Variants in FSIP1 observed in about 807,000 individuals in gnomAD.
The protein encoded by FSIP1 is fibrous sheath-interacting protein 1.
Under a neutral mutation model 60.9 loss-of-function variants are expected in FSIP1, and 65 were observed. That is an observed-to-expected ratio of 1.07 (90% CI 0.87 to 1.31). The LOEUF is 1.31. Among genes scored for constraint, FSIP1 ranks in the 40% most tolerant of loss-of-function variants. The probability of loss-of-function intolerance (pLI) is 0.00; values close to 1 mark genes in which losing one functional copy is unlikely to be tolerated. For missense variants in FSIP1, 675 were observed against 665.5 expected (o/e 1.01, Z -0.16); for synonymous variants, 209 against 221.2 (o/e 0.94, Z 0.49).
rs2140449373 is a variant in FSIP1, at chr15:39,659,178, GTTTCT to G, written c.1189-40938_1189-40934del. Among the ~76,000 whole-genome samples, 3 of 152,238 alleles carry G rather than the reference GTTTCT, an allele frequency of 2.0e-5. No individual in the cohort carries two copies. The East Asian group carries it at 5.8e-4, about 29-fold the overall frequency. On this transcript the variant is annotated intron_variant, in intron 10 of 11. Transcript: ENST00000350221. Reference sequence around the variant, plus strand: ...GGGAGTGACTGCTAATGGATATAAGGTTTCTTTTGAGGGTAAAAAAAGTATTCCAG... The same window carrying G: ...GGGAGTGACTGCTAATGGATATAAGGTTTGAGGGTAAAAAAAGTATTCCAG...
At chr15:39,693,723 A>G (rs764236041) in intron 10 of FSIP1, among the ~76,000 whole-genome samples, 6 of 152,178 alleles carry the variant, frequency 3.9e-5, no homozygotes. Flanking sequence ...CTAACTGAGG[A>G]GTTGTAATCA....
intron 9 of FSIP1, among the ~76,000 whole-genome samples, chr15:39,714,972 C>CA (rs34491210): frequency 0.72 from 64,166 of 89,470 alleles, 23,980 homozygotes; most frequent in Middle Eastern, 0.87. Flanking sequence ...GACTCTGTCT[C>CA]AAAAAAAAAA....
intron 10 of FSIP1, among the ~76,000 whole-genome samples, chr15:39,656,460 C>G (rs1205452000): frequency 6.6e-6 from 1 of 152,172 alleles, no homozygotes; most frequent in Non-Finnish European, 1.5e-5. Context: ...TTCCAACCTC[C>G]TTCCTCTAAA....
At chr15:39,771,080 T>C (rs372018303) in intron 2 of FSIP1, among the ~76,000 whole-genome samples, 97 of 152,252 alleles carry the variant, frequency 6.4e-4, no homozygotes, top group Non-Finnish European at 1.3e-4. Context: ...TCTATGTTAT[T>C]CACAGTTTTT....
chr15:39,655,498 C>CCATTCATT (rs368238499), intron 10 of FSIP1, among the ~76,000 whole-genome samples: 4 of 152,112 alleles, frequency 2.6e-5, no homozygotes, highest in Non-Finnish European at 5.9e-5. Context: ...GACTAACAAT[C>CCATTCATT]CATTCATTCA....
intron 9 of FSIP1, among the ~76,000 whole-genome samples, chr15:39,718,493 CTTT>C (rs11422776): frequency 7.2e-6 from 1 of 139,308 alleles, no homozygotes; most frequent in African/African-American, 2.7e-5. Flanking sequence ...GCAGACAAAC[CTTT>C]TTTTTTTTTT....
chr15:39,771,261 GAAGTT>G (rs746084901), intron 2 of FSIP1, among the ~76,000 whole-genome samples: 43 of 152,160 alleles, frequency 2.8e-4, no homozygotes, highest in Admixed American at 3.9e-4. Flanking sequence ...AATCACTTCA[GAAGTT>G]AACACAGCCC....
chr15:39,706,179 G>A (rs191586996), intron 10 of FSIP1, among the ~76,000 whole-genome samples: 50 of 151,874 alleles, frequency 3.3e-4, no homozygotes, highest in Middle Eastern at 3.4e-3. Flanking sequence ...TGGTTTCCTC[G>A]GGCATTATTA....
chr15:39,736,334 C>A (rs927957551), intron 8 of FSIP1, among the ~76,000 whole-genome samples: 1 of 152,224 alleles, frequency 6.6e-6, no homozygotes, highest in Non-Finnish European at 1.5e-5. Context: ...CCCGCTGGGA[C>A]CTCACCATCT....
chr15:39,697,148 T>C (rs2631692), intron 10 of FSIP1, among the ~76,000 whole-genome samples: 123,899 of 152,062 alleles, frequency 0.81, 50,920 homozygotes, highest in Non-Finnish European at 0.87. Context: ...AGAAATCTTT[T>C]AACAAATTCT....
intron 10 of FSIP1, among the ~76,000 whole-genome samples, chr15:39,648,910 A>G (rs1892746455): frequency 6.6e-6 from 1 of 152,146 alleles, no homozygotes; most frequent in Admixed American, 6.5e-5. Context: ...TTTAAAAAGG[A>G]AAGCTATTTC....
intron 10 of FSIP1, among the ~76,000 whole-genome samples, chr15:39,709,364 G>T (rs1232508842): frequency 6.6e-6 from 1 of 152,210 alleles, no homozygotes; most frequent in Non-Finnish European, 1.5e-5. Flanking sequence ...TGGTTGGAGG[G>T]CAGTAGACTA....
intron 10 of FSIP1, among the ~76,000 whole-genome samples, chr15:39,682,440 G>T (rs1894203670): frequency 6.6e-6 from 1 of 152,142 alleles, no homozygotes; most frequent in African/African-American, 2.4e-5. Flanking sequence ...ATGTGCACTT[G>T]ACTGTGTTTT....
At chr15:39,619,635 A>C (rs1180503824) in intron 10 of FSIP1, among the ~76,000 whole-genome samples, 1 of 152,202 alleles carries the variant, frequency 6.6e-6, no homozygotes, top group African/African-American at 2.4e-5. Context: ...TGTATCCAGA[A>C]TCAGGAGCAT....
At chr15:39,641,776 G>A (rs1892381720) in intron 10 of FSIP1, among the ~76,000 whole-genome samples, 1 of 152,094 alleles carries the variant, frequency 6.6e-6, no homozygotes, top group Admixed American at 6.6e-5. Context: ...AGACTATAAC[G>A]TAAGCCTCAC....
chr15:39,776,342 C>T (rs1440912421), intron 2 of FSIP1, 57 bp downstream of exon 2: 8 of 1,545,912 alleles, frequency 5.2e-6, no homozygotes, highest in South Asian at 2.4e-5. Context: ...ACCTTAGTTT[C>T]ATCAACTGCT....
At chr15:39,739,428 A>T (rs1411044607) in intron 7 of FSIP1, among the ~76,000 whole-genome samples, 1 of 152,276 alleles carries the variant, frequency 6.6e-6, no homozygotes, top group Non-Finnish European at 1.5e-5. Context: ...AGTGAAATAA[A>T]TGATAGATGC....
chr15:39,657,955 A>G (rs1238897800), intron 10 of FSIP1, among the ~76,000 whole-genome samples: 1 of 152,226 alleles, frequency 6.6e-6, no homozygotes, highest in Non-Finnish European at 1.5e-5. Context: ...CGAGAACAGC[A>G]TATATAGTAG....
intron 5 of FSIP1, among the ~76,000 whole-genome samples, chr15:39,747,113 T>C (rs986467991): frequency 6.6e-6 from 1 of 150,650 alleles, no homozygotes; most frequent in African/African-American, 2.4e-5. Context: ...GCTCATTTTC[T>C]TGTCTTCTTT....
Sources: allele counts gnomAD v4.1 joint callset (sites outside exome capture counted in the v4.1 genomes callset), GRCh38; gene constraint gnomAD v4.1.1; transcripts MANE v1.5; gene names NCBI Gene and HGNC (gene_info 2026-07-23, HGNC 2026-07-21).